Variants in DOK6 observed in about 807,000 individuals in gnomAD.
The protein encoded by DOK6 is docking protein 6.
Under a neutral mutation model 44.0 loss-of-function variants are expected in DOK6, and 22 were observed. The ratio of observed to expected loss-of-function variants is 0.50; its 90% confidence interval spans 0.36 to 0.71. DOK6 has a LOEUF of 0.71. DOK6 is among the 30% of genes least tolerant of loss of function. DOK6 has a pLI of 0.00. For missense variants in DOK6, 340 were observed against 416.4 expected, an observed-to-expected ratio of 0.82 and a Z score of 1.60; for synonymous variants, 166 against 145.5, an observed-to-expected ratio of 1.14 and a Z score of -1.01.
chr18:69,657,937 GT>G (rs916388302), intron 3 of DOK6, among the ~76,000 whole-genome samples: 3 of 151,842 alleles, frequency 2.0e-5, no homozygotes, highest in Non-Finnish European at 4.4e-5. Flanking sequence ...TGTTGTTGCT[GT>G]TGTTGTTTTT....
chr18:69,546,055 A>G (rs1982395100), intron 1 of DOK6, among the ~76,000 whole-genome samples: 2 of 151,364 alleles, frequency 1.3e-5, no homozygotes, highest in South Asian at 4.2e-4. Flanking sequence ...AGGCGGGCGG[A>G]TCACTTAAGG....
chr18:69,562,571 T>C (rs932290564), intron 1 of DOK6, among the ~76,000 whole-genome samples: 1 of 152,204 alleles, frequency 6.6e-6, no homozygotes. Flanking sequence ...ATTTACTAAA[T>C]GGTGCTGGGA....
chr18:69,504,766 A>G (rs1981137305), intron 1 of DOK6, among the ~76,000 whole-genome samples: 1 of 152,204 alleles, frequency 6.6e-6, no homozygotes, highest in Non-Finnish European at 1.5e-5. Context: ...ATTAAGAGAA[A>G]TTATAAAGAT....
intron 1 of DOK6, among the ~76,000 whole-genome samples, chr18:69,463,577 T>C (rs1291046545): frequency 6.6e-6 from 1 of 152,152 alleles, no homozygotes; most frequent in Non-Finnish European, 1.5e-5. Context: ...GTAAGATACT[T>C]GAGAGAGAAC....
At chr18:69,749,718 A>G (rs982807219) in intron 6 of DOK6, among the ~76,000 whole-genome samples, 4 of 152,104 alleles carry the variant, frequency 2.6e-5, no homozygotes, top group Non-Finnish European at 4.4e-5. Flanking sequence ...AGGCAGGTAG[A>G]TCATGAGGTC....
chr18:69,569,768 G>A (rs1027728751), intron 2 of DOK6, among the ~76,000 whole-genome samples: 2 of 152,008 alleles, frequency 1.3e-5, no homozygotes, highest in African/African-American at 4.8e-5. Context: ...GCACATATAT[G>A]TACATCGCAA....
intron 5 of DOK6, among the ~76,000 whole-genome samples, chr18:69,718,240 C>A (rs1224748045): frequency 6.6e-6 from 1 of 152,110 alleles, no homozygotes; most frequent in Non-Finnish European, 1.5e-5. Context: ...GTTGGGAAGA[C>A]CCATTCAGGA....
chr18:69,582,042 C>G (rs761151582), intron 2 of DOK6, among the ~76,000 whole-genome samples: 17 of 152,120 alleles, frequency 1.1e-4, no homozygotes, highest in Non-Finnish European at 2.5e-4. Flanking sequence ...CAAAAAAGAT[C>G]CTGTTTGTTG....
At chr18:69,770,404 T>C (rs1352704908) in intron 7 of DOK6, among the ~76,000 whole-genome samples, 4 of 152,104 alleles carry the variant, frequency 2.6e-5, no homozygotes, top group African/African-American at 9.7e-5. Context: ...ACATGTATAA[T>C]CTCTACCCTT....
At chr18:69,704,635 T>C (rs563269981) in intron 5 of DOK6, among the ~76,000 whole-genome samples, 48 of 152,136 alleles carry the variant, frequency 3.2e-4, no homozygotes, top group South Asian at 8.3e-4. Flanking sequence ...CCCGCCACCA[T>C]GCCCAGCTAA....
chr18:69,585,557 T>C (rs1329612290), intron 2 of DOK6, among the ~76,000 whole-genome samples: 1 of 152,210 alleles, frequency 6.6e-6, no homozygotes, highest in Non-Finnish European at 1.5e-5. Context: ...CTTATGAGAG[T>C]GATAGGTTTA....
chr18:69,842,999 G>A lies in DOK6; in HGVS notation c.*1616G>A, dbSNP rs954830461. 15 of 151,850 alleles carry A rather than the reference G, an allele frequency of 9.9e-5. No individual in the cohort carries two copies. The highest frequency in any genetic ancestry group is 2.0e-4 in the Admixed American group (3 of 15,252). 9.4% of individuals were successfully genotyped at this position (151,850 alleles called of 1,614,324 possible). Reference sequence around the variant, plus strand: ...ATGAGTTGTCTTTTCATCCCTATCTGTAGCTTGAGTGCAGATTGACAATTC... The same window carrying A: ...ATGAGTTGTCTTTTCATCCCTATCTATAGCTTGAGTGCAGATTGACAATTC... On this transcript the variant is annotated 3_prime_UTR_variant, in exon 8 of 8. Transcript: ENST00000382713.
chr18:69,629,442 C>T (rs1285708794), intron 3 of DOK6, among the ~76,000 whole-genome samples: 1 of 152,046 alleles, frequency 6.6e-6, no homozygotes, highest in Admixed American at 6.5e-5. Context: ...ATTAAAAGAG[C>T]GGCATTCTGA....
At chr18:69,450,713 T>C (rs1305350746) in intron 1 of DOK6, among the ~76,000 whole-genome samples, 20 of 151,204 alleles carry the variant, frequency 1.3e-4, no homozygotes, top group Admixed American at 3.3e-4. Context: ...GCGGATCTCT[T>C]GGCAGAAACC....
At chr18:69,504,238 T>A (rs1188761443) in intron 1 of DOK6, among the ~76,000 whole-genome samples, 1 of 152,096 alleles carries the variant, frequency 6.6e-6, no homozygotes, top group African/African-American at 2.4e-5. Context: ...TCTATCTCTT[T>A]GTTGTTTAAA....
At chr18:69,748,078 A>C (rs1979047241) in intron 6 of DOK6, among the ~76,000 whole-genome samples, 1 of 152,230 alleles carries the variant, frequency 6.6e-6, no homozygotes. Flanking sequence ...AAAACAAAAA[A>C]GCAGGGGTTA....
intron 1 of DOK6, among the ~76,000 whole-genome samples, chr18:69,521,996 A>C (rs138511578): frequency 1.3e-5 from 2 of 151,944 alleles, no homozygotes; most frequent in East Asian, 3.9e-4. Flanking sequence ...ATTTATATTT[A>C]AATATGAACC....
chr18:69,660,869 C>T (rs537421447), intron 3 of DOK6: 1 of 152,286 alleles, frequency 6.6e-6, no homozygotes, highest in Admixed American at 6.5e-5. Context: ...CGGGGTTTCA[C>T]TATGTTGACC....
chr18:69,528,526 AG>A (rs1362135970), intron 1 of DOK6, among the ~76,000 whole-genome samples: 2 of 152,218 alleles, frequency 1.3e-5, no homozygotes, highest in Non-Finnish European at 2.9e-5. Context: ...CCTGAAGTAT[AG>A]CCTGACTCAT....
Sources: allele counts gnomAD v4.1 joint callset (sites outside exome capture counted in the v4.1 genomes callset), GRCh38; gene constraint gnomAD v4.1.1; transcripts MANE v1.5; gene names NCBI Gene and HGNC (gene_info 2026-07-23, HGNC 2026-07-21).